The following ATP6V0A2 variants were observed in gnomAD, a reference collection of about 807,000 sequenced individuals.
ATP6V0A2 encodes the protein ATPase H+ transporting V0 subunit a2.
A neutral mutation model predicts 104.4 loss-of-function variants in ATP6V0A2; 58 were observed. The observed-to-expected ratio is 0.56, with a 90% CI of 0.45 to 0.69. The LOEUF is 0.69. ATP6V0A2 is among the 30% of genes least tolerant of loss of function. ATP6V0A2 has a pLI of 0.00. For synonymous variants in ATP6V0A2, 376 were observed against 397.9 expected (o/e 0.95, Z 0.65); for missense variants, 938 against 1,062.9 (o/e 0.88, Z 1.63).
chr12:123,738,609 C>G (rs545096427), intron 9 of ATP6V0A2, among the ~76,000 whole-genome samples: 1 of 152,280 alleles, frequency 6.6e-6, no homozygotes, highest in African/African-American at 2.4e-5. Context: ...TTTGGCCATG[C>G]AGAAGTTTTT....
intron 9 of ATP6V0A2, among the ~76,000 whole-genome samples, chr12:123,741,808 T>C (rs1392870567): frequency 1.3e-5 from 2 of 152,186 alleles, no homozygotes; most frequent in Non-Finnish European, 2.9e-5. Context: ...TATAAATGTA[T>C]ATTTACATGA....
chr12:123,722,247 T>C (rs1956406733), intron 2 of ATP6V0A2, 104 bp from the exon 3 acceptor site: 4 of 858,056 alleles, frequency 4.7e-6, no homozygotes, highest in Non-Finnish European at 7.8e-6. Context: ...CATTTAGACA[T>C]TGATTTTTAG....
chr12:123,750,877 G>T, intron 15 of ATP6V0A2: 1 of 545,890 alleles, frequency 1.8e-6, no homozygotes, highest in Non-Finnish European at 3.3e-6. Flanking sequence ...TTCCTTGCTG[G>T]TCTAAAACAA....
chr12:123,742,255 C>T (rs1956616995), intron 9 of ATP6V0A2, among the ~76,000 whole-genome samples: 1 of 152,216 alleles, frequency 6.6e-6, no homozygotes, highest in South Asian at 2.1e-4. Flanking sequence ...CAGGGAGGTT[C>T]TTTCTGGCCA....
In ATP6V0A2 at chr12:123,744,690, AAGTC is replaced by A. The variant is rs1338491722; in HGVS notation, c.1426_1429del (p.Val476ThrfsTer71). 1 of 1,613,960 alleles carries A rather than the reference AAGTC, an allele frequency of 6.2e-7. No homozygotes were observed. The highest frequency in any genetic ancestry group is 2.2e-5 in the East Asian group (1 of 44,890). ...CCTCATCTACAACGACTGCTTTTCA[AAGTC>A]AGTCAACCTGTTCGGCTCTGGGTGG... On this transcript the variant is annotated frameshift_variant, in exon 12 of 20. Transcript: ENST00000330342. LOFTEE classifies it high-confidence loss of function. This position sits in a 1 kb window ranked among gnomAD's most constrained non-coding sequence, Gnocchi z 5.4.
chr12:123,731,177 G>C (rs1415764289), intron 6 of ATP6V0A2: 2 of 152,168 alleles, frequency 1.3e-5, no homozygotes, highest in African/African-American at 4.8e-5. Context: ...AGAAGAAAAA[G>C]AAGTCCCTCG....
Position 123,744,625 on chromosome 12 carries a change from A to C in ATP6V0A2, c.1355A>C (p.Tyr452Ser), listed in dbSNP as rs1956641918. The change falls in exon 12 of 20, where the codon TAC becomes TCC. Residue 452 changes from tyrosine to serine, a missense_variant. Physicochemically the swap from Tyr to Ser is moderately radical, Grantham distance 144. Transcript: ENST00000330342. This position sits in a 1 kb window ranked among gnomAD's most constrained non-coding sequence, Gnocchi z 5.4. ...ATGAGGATGTTTTTTAATGGCCGGT[A>C]CATCCTCCTGCTGATGGGGCTGTTC... is the stretch of plus-strand genomic sequence containing the variant. ...EIMRMFFNGR[Y>S]ILLLMGLFSV... The C allele has an allele frequency of 8.7e-6, 14 of 1,613,470 alleles. No individual in the cohort carries two copies. Among genetic ancestry groups the C allele is most frequent in the Non-Finnish European group, 1.1e-5 (13 of 1,180,002 alleles).
At chr12:123,742,101 C>T (rs536800846) in intron 9 of ATP6V0A2, among the ~76,000 whole-genome samples, 1 of 152,230 alleles carries the variant, frequency 6.6e-6, no homozygotes, top group Non-Finnish European at 1.5e-5. Flanking sequence ...CAGGTCAGTG[C>T]CGTGAGTTTA....
intron 6 of ATP6V0A2, among the ~76,000 whole-genome samples, chr12:123,730,061 T>C (rs1276536771): frequency 7.0e-6 from 1 of 141,904 alleles, no homozygotes; most frequent in Non-Finnish European, 1.5e-5. Flanking sequence ...TTTTTTTTTT[T>C]TTTTTTTTTT....
At chr12:123,735,470 G>A in intron 7 of ATP6V0A2, 61 bp from the exon 8 acceptor site, 1 of 1,481,472 alleles carries the variant, frequency 6.8e-7, no homozygotes, top group African/African-American at 1.4e-5. Context: ...TGCCGGGGAG[G>A]TGAACGTGTT....
intron 1 of ATP6V0A2, among the ~76,000 whole-genome samples, chr12:123,716,766 A>G (rs972191322): frequency 6.7e-6 from 1 of 150,034 alleles, no homozygotes; most frequent in Non-Finnish European, 1.5e-5. Context: ...ACTTCAGCCT[A>G]GGCGACAGTG....
rs375701574 is a variant in ATP6V0A2, at chr12:123,716,310, C to T, written c.118-2313C>T. On this transcript the variant is annotated intron_variant, in intron 1 of 19. Transcript: ENST00000330342. ...TCCAACTCCTGACCTCAAGTCATCC[C>T]CCCACCTTGGCCCCCCAGAGTGCTG... 2.1e-3 allele frequency among the ~76,000 whole-genome samples: 315 copies of T among 152,174 alleles called. 2 individuals carry two copies. The highest frequency in any genetic ancestry group is 7.1e-3 in the African/African-American group (294 of 41,522).
intron 9 of ATP6V0A2, among the ~76,000 whole-genome samples, chr12:123,741,742 G>A (rs1956611392): frequency 6.6e-6 from 1 of 152,110 alleles, no homozygotes; most frequent in Non-Finnish European, 1.5e-5. Flanking sequence ...GGGATGACAA[G>A]CATGAGCCAC....
intron 9 of ATP6V0A2, among the ~76,000 whole-genome samples, chr12:123,739,827 C>CT (rs1956591261): frequency 6.6e-6 from 1 of 152,156 alleles, no homozygotes; most frequent in Non-Finnish European, 1.5e-5. Context: ...CCATCTTGTT[C>CT]TGGCACCTTG....
intron 7 of ATP6V0A2, 101 bp downstream of exon 7, chr12:123,734,109 GT>G: frequency 1.0e-5 from 9 of 891,330 alleles, no homozygotes; most frequent in Non-Finnish European, 1.6e-5. Flanking sequence ...GTGGCTGCTA[GT>G]TTTTGTTATA....
chr12:123,749,863 T>A (rs1392261144), intron 15 of ATP6V0A2: 1 of 152,292 alleles, frequency 6.6e-6, no homozygotes, highest in Non-Finnish European at 1.5e-5. Context: ...TGTTGACCTG[T>A]GAATGGAGCA....
intron 1 of ATP6V0A2, among the ~76,000 whole-genome samples, chr12:123,715,678 A>G (rs1956332494): frequency 6.6e-6 from 1 of 152,260 alleles, no homozygotes; most frequent in South Asian, 2.1e-4. Context: ...TGTGGAAAAC[A>G]TAAGAATAGT....
Position 123,744,846 on chromosome 12 carries a change from C to T in ATP6V0A2, c.1515-36C>T, listed in dbSNP as rs758263671. On this transcript the variant is annotated intron_variant, in intron 12 of 19. Coordinates refer to ENST00000330342, the MANE Select transcript of ATP6V0A2 (RefSeq NM_012463.4). This position sits in a 1 kb window ranked among gnomAD's most constrained non-coding sequence, Gnocchi z 5.4. ...AGCATGTTTCCTAGACCTTCCTCCT[C>T]CCAGGTCAGCCTCCTCACTCTGCTT... is the stretch of plus-strand genomic sequence containing the variant. The T allele has an allele frequency of 1.9e-6, 3 of 1,613,994 alleles. No individual in the cohort carries two copies. The highest frequency in any genetic ancestry group is 2.5e-6 in the Non-Finnish European group (3 of 1,179,882).
At chr12:123,732,766 C>G (rs1397838424) in intron 6 of ATP6V0A2, 1 of 149,684 alleles carries the variant, frequency 6.7e-6, no homozygotes, top group Non-Finnish European at 1.5e-5. Flanking sequence ...CCCTCCCTCC[C>G]GTCTCCTCAT....
Sources: gnomAD v4.1 joint callset for allele counts (sites outside exome capture counted in the v4.1 genomes callset) on GRCh38, gnomAD v4.1.1 for gene constraint, Gnocchi (gnomAD v3.1) non-coding constraint, MANE v1.5 for transcripts, NCBI Gene and HGNC (gene_info 2026-07-23, HGNC 2026-07-21) for gene names.